ACO1: variants seen among roughly 807,000 people sequenced by gnomAD.
The protein encoded by ACO1 is cytoplasmic aconitate hydratase.
Under a neutral mutation model 105.1 loss-of-function variants are expected in ACO1, and 78 were observed. The observed-to-expected ratio is 0.74, with a 90% CI of 0.62 to 0.90. The LOEUF (loss-of-function observed/expected upper bound fraction) is 0.90. Among genes scored for constraint, ACO1 ranks in the 40% least tolerant of loss-of-function variants. ACO1 has a pLI of 0.00. For synonymous variants in ACO1, 364 were observed against 397.4 expected (o/e 0.92, Z 1.00); for missense variants, 965 against 1,111.1 (o/e 0.87, Z 1.87).
Position 32,407,273 on chromosome 9 carries a change from T to G in ACO1, c.110T>G (p.Phe37Cys). ...CCTTAACTCTTAGGGCGCTTACCAT[T>G]TTCGATCAGAGTTCTTCTGGAAGCA... ...LEDSRYGRLP[F>C]SIRVLLEAAI... Residue 37 changes from phenylalanine (F) to cysteine (C), a missense_variant, in exon 3 of 21, where the codon TTT (phenylalanine) becomes TGT (cysteine). Physicochemically the swap from Phe to Cys is radical, Grantham distance 205 (BLOSUM62 -2). Transcript: ENST00000309951. 6.2e-7 allele frequency: 1 copy of G among 1,614,104 alleles called. No homozygotes were observed. Among genetic ancestry groups the G allele is most frequent in the Non-Finnish European group, 8.5e-7 (1 of 1,179,986 alleles).
intron 8 of ACO1, among the ~76,000 whole-genome samples, chr9:32,422,709 C>T (rs907032529): frequency 6.6e-6 from 1 of 152,166 alleles, no homozygotes; most frequent in African/African-American, 2.4e-5. Context: ...GATTTTGGTT[C>T]TACCGTTTAC....
rs967778212 is a variant in ACO1, at chr9:32,453,304, A to G, written c.*3193A>G. On this transcript the variant is annotated 3_prime_UTR_variant, in exon 21 of 21. Transcript: ENST00000309951. ...ATAGGGAGTAATCTAGGGAAAAGAT[A>G]TATTAGGCATGAATCTTAGCTGTGG... 1.1e-4 allele frequency: 16 copies of G among 151,632 alleles called. No individual in the cohort carries two copies. The highest frequency in any genetic ancestry group is 1.9e-4 in the African/African-American group (8 of 41,390). 9.4% of individuals were successfully genotyped at this position (151,632 alleles called of 1,614,324 possible). A position where few individuals can be genotyped will look rare whatever the true frequency, so the allele number is the denominator to read the frequency against.
chr9:32,399,604 T>C (rs1821444728), intron 1 of ACO1, among the ~76,000 whole-genome samples: 1 of 152,206 alleles, frequency 6.6e-6, no homozygotes, highest in Admixed American at 6.5e-5. Context: ...GATGTGAGTA[T>C]ACAAGGCATC....
chr9:32,429,212 T>A (rs935411628), intron 12 of ACO1, among the ~76,000 whole-genome samples: 2 of 152,162 alleles, frequency 1.3e-5, no homozygotes, highest in African/African-American at 4.8e-5. Context: ...TGATTCCTTT[T>A]TATAAGTTAA....
intron 1 of ACO1, among the ~76,000 whole-genome samples, chr9:32,390,371 C>G (rs1156555792): frequency 6.6e-6 from 1 of 152,222 alleles, no homozygotes; most frequent in African/African-American, 2.4e-5. Flanking sequence ...TCATCTTCCA[C>G]TTCGTAGTTC....
chr9:32,395,345 G>T (rs62571712), intron 1 of ACO1, among the ~76,000 whole-genome samples: 2,737 of 152,212 alleles, frequency 0.018, 40 homozygotes, highest in Middle Eastern at 0.027. Flanking sequence ...GCGTGGTGGT[G>T]GGCACCTGTA....
At chr9:32,400,985 T>C (rs1235202939) in intron 1 of ACO1, among the ~76,000 whole-genome samples, 1 of 151,444 alleles carries the variant, frequency 6.6e-6, no homozygotes, top group East Asian at 1.9e-4. Context: ...TCCTAGTATA[T>C]ACATATATAT....
At chr9:32,393,173 A>C in intron 1 of ACO1, among the ~76,000 whole-genome samples, 1 of 152,238 alleles carries the variant, frequency 6.6e-6, no homozygotes, top group East Asian at 1.9e-4. Flanking sequence ...CCGGGGGGGA[A>C]ACAGAGCCAT....
At position 32,436,359 on chromosome 9, in the gene ACO1, C is replaced by G; in HGVS notation, c.2209C>G (p.Gln737Glu). The G allele has an allele frequency of 6.2e-7, 1 of 1,614,170 alleles. No homozygotes were observed. The highest frequency in any genetic ancestry group is 8.5e-7 in the Non-Finnish European group (1 of 1,180,010). The stretch of plus-strand genomic sequence containing the variant: ...CTTGTTAAACAGATTTTTGAACAAG[C>G]AGGCACCACAGACTATCCATCTGCC... ...IRLLNRFLNKQAPQTIHLPSG... is the reference protein window; with the variant it reads ...IRLLNRFLNKEAPQTIHLPSG... Residue 737 changes from glutamine to glutamate, a missense_variant, in exon 18 of 21, where the codon CAG (glutamine) becomes GAG (glutamate). Physicochemically the swap from Gln to Glu is conservative, Grantham distance 29. Coordinates refer to ENST00000309951, the MANE Select transcript of ACO1 (RefSeq NM_002197.3).
rs1206107458 is a variant in ACO1 at position 32,450,633 on chromosome 9, C to CGAAGGAAAAGGGGAGAGA, written c.*522_*523insGAAGGAAAAGGGGAGAGA. 1.8e-5 allele frequency: 3 copies of CGAAGGAAAAGGGGAGAGA among 162,726 alleles called. No homozygotes were observed. The highest frequency in any genetic ancestry group is 1.2e-4 in the Admixed American group (2 of 16,240). 10.1% of individuals were successfully genotyped at this position (162,726 alleles called of 1,614,324 possible). A position where few individuals can be genotyped will look rare whatever the true frequency, so the allele number is the denominator to read the frequency against. The stretch of plus-strand genomic sequence containing the variant: ...TTCTCTCTTCTCTCCCCTTTTCCTT[C>CGAAGGAAAAGGGGAGAGA]AGAGTGAATCATCCAGACTCCTCAT... On this transcript the variant is annotated 3_prime_UTR_variant, in exon 21 of 21. Coordinates refer to ENST00000309951, the MANE Select transcript of ACO1 (RefSeq NM_002197.3).
At chr9:32,403,707 C>T (rs745741805) in intron 1 of ACO1, among the ~76,000 whole-genome samples, 9 of 152,214 alleles carry the variant, frequency 5.9e-5, no homozygotes, top group South Asian at 2.1e-4. Flanking sequence ...CTTTAGGATT[C>T]GACACAGAGA....
rs549494994 is a variant in ACO1, at chr9:32,409,434, A to C, written c.404+783A>C. Among the ~76,000 whole-genome samples the C allele has an allele frequency of 3.2e-4, 48 of 152,318 alleles. No individual in the cohort carries two copies. The East Asian group carries it at 3.9e-3, about 12-fold the overall frequency. ...TTGGTAAGCCTGAATATAGACACCT[A>C]ATGGTCTATGACACCTTTAGGTGGG... On this transcript the variant is annotated intron_variant, in intron 4 of 20. Coordinates refer to ENST00000309951, the MANE Select transcript of ACO1 (RefSeq NM_002197.3).
intron 19 of ACO1, 111 bp from the exon 20 acceptor site, chr9:32,448,785 G>C (rs1423004400): frequency 9.1e-6 from 10 of 1,098,620 alleles, no homozygotes; most frequent in East Asian, 2.4e-5. Flanking sequence ...CTGCAGACTG[G>C]AGCTGTTCCT....
At chr9:32,407,508 C>A in intron 3 of ACO1, 79 bp downstream of exon 3, 1 of 1,345,330 alleles carries the variant, frequency 7.4e-7, no homozygotes, top group Non-Finnish European at 1.0e-6. Context: ...CAAATGAAAA[C>A]ACTCTGCAAT....
intron 12 of ACO1, 75 bp downstream of exon 12, chr9:32,427,511 T>G: frequency 6.3e-7 from 1 of 1,575,466 alleles, no homozygotes; most frequent in Non-Finnish European, 8.7e-7. Flanking sequence ...TGTCACCTTG[T>G]AACAGATGTG....
chr9:32,412,430 C>A (rs1298204572), intron 4 of ACO1, among the ~76,000 whole-genome samples: 1 of 152,158 alleles, frequency 6.6e-6, no homozygotes, highest in East Asian at 1.9e-4. Flanking sequence ...GAATATGAAA[C>A]CACTCAACGG....
rs781080591 is a variant in ACO1, at chr9:32,434,682, C to A, written c.2080C>A (p.Arg694Ser). The A allele has an allele frequency of 1.2e-6, 2 of 1,613,978 alleles. No individual in the cohort carries two copies. The highest frequency in any genetic ancestry group is 1.1e-5 in the South Asian group (1 of 91,056). The part of the protein sequence containing the change: ...GNIARNSPAA[R>S]YLTNRGLTPR... The stretch of plus-strand genomic sequence containing the variant: ...TATTGCAAGAAACAGTCCTGCTGCT[C>A]GCTACTTAACTAACAGAGGGTAAGT... The change falls in exon 17 of 21, where the codon CGC becomes AGC. Residue 694 changes from arginine to serine, a missense_variant. By Grantham distance (110) the Arg-to-Ser change is moderately radical. Coordinates refer to ENST00000309951, the MANE Select transcript of ACO1 (RefSeq NM_002197.3).
At chr9:32,440,424 G>T in intron 18 of ACO1, 41 bp from the exon 19 acceptor site, 2 of 1,611,534 alleles carry the variant, frequency 1.2e-6, no homozygotes, top group Non-Finnish European at 1.7e-6. Context: ...TCCATTCTTT[G>T]CCTCTCCTGC....
At position 32,452,341 on chromosome 9, in the gene ACO1, G is replaced by A. The variant is rs1229487369; in HGVS notation, c.*2230G>A. The A allele has an allele frequency of 6.6e-6, 1 of 152,204 alleles. No homozygotes were observed. Among genetic ancestry groups the A allele is most frequent in the Non-Finnish European group, 1.5e-5 (1 of 68,070 alleles). 9.4% of individuals were successfully genotyped at this position (152,204 alleles called of 1,614,324 possible). On this transcript the variant is annotated 3_prime_UTR_variant, in exon 21 of 21. Coordinates refer to ENST00000309951, the MANE Select transcript of ACO1 (RefSeq NM_002197.3). The stretch of plus-strand genomic sequence containing the variant: ...ATAGAAGCTGGGGCCTTTGGAAGGT[G>A]ATTAGATCATGAGGGTAGTGCCTTT...
Sources: allele counts gnomAD v4.1 joint callset (sites outside exome capture counted in the v4.1 genomes callset), GRCh38; gene constraint gnomAD v4.1.1; transcripts MANE v1.5; gene names NCBI Gene and HGNC (gene_info 2026-07-23, HGNC 2026-07-21).